TMTC2: variants seen among roughly 807,000 people sequenced by gnomAD.
TMTC2 encodes transmembrane O-mannosyltransferase targeting cadherins 2, also known as protein O-mannosyl-transferase TMTC2.
Under a neutral mutation model 82.4 loss-of-function variants are expected in TMTC2, and 43 were observed. The ratio of observed to expected loss-of-function variants is 0.52; its 90% confidence interval spans 0.41 to 0.67. The LOEUF (loss-of-function observed/expected upper bound fraction) is 0.67, where lower values mean the gene tolerates loss of function less well. Ranked by LOEUF, TMTC2 falls within the 30% of genes least tolerant of loss-of-function variation. The pLI is 0.00. For synonymous variants in TMTC2, 408 were observed against 381.9 expected, an observed-to-expected ratio of 1.07 and a Z score of -0.80; for missense variants, 919 against 1,012.4, an observed-to-expected ratio of 0.91 and a Z score of 1.25.
At chr12:82,698,059 A>G (rs930545746) in intron 1 of TMTC2, among the ~76,000 whole-genome samples, 3 of 152,200 alleles carry the variant, frequency 2.0e-5, no homozygotes, top group Admixed American at 2.0e-4. Context: ...TTCGGCCTGT[A>G]TGACTTTTTA....
chr12:82,764,543 G>A (rs1440757019), intron 1 of TMTC2, among the ~76,000 whole-genome samples: 1 of 152,068 alleles, frequency 6.6e-6, no homozygotes, highest in Non-Finnish European at 1.5e-5. Flanking sequence ...TCAATGGAGG[G>A]ATCTTTTACA....
chr12:82,765,561 C>CT (rs959136573), intron 1 of TMTC2, among the ~76,000 whole-genome samples: 1 of 152,080 alleles, frequency 6.6e-6, no homozygotes, highest in African/African-American at 2.4e-5. Flanking sequence ...GTAATCCCAG[C>CT]TACTCAGGAG....
chr12:82,943,901 A>G lies in TMTC2; in HGVS notation c.1598+13356A>G, dbSNP rs192267468. 2.0e-5 allele frequency among the ~76,000 whole-genome samples: 3 copies of G among 152,352 alleles called. No homozygotes were observed. The East Asian group carries it at 5.8e-4, about 29-fold the overall frequency. ...TGGATGTAAAAATAGAATGTTATGT[A>G]ATAAAGTGACATCTTTTCTGAGTGA... On this transcript the variant is annotated intron_variant, in intron 4 of 11. Coordinates refer to ENST00000321196, the MANE Select transcript of TMTC2 (RefSeq NM_152588.3).
chr12:82,797,482 G>T (rs183737879), intron 1 of TMTC2, among the ~76,000 whole-genome samples: 1 of 152,056 alleles, frequency 6.6e-6, no homozygotes, highest in Non-Finnish European at 1.5e-5. Context: ...CCTCTGGTAC[G>T]GTCTCCTGAT....
intron 4 of TMTC2, among the ~76,000 whole-genome samples, chr12:82,944,755 T>C (rs1358921857): frequency 6.6e-6 from 1 of 151,942 alleles, no homozygotes; most frequent in Non-Finnish European, 1.5e-5. Flanking sequence ...TGTGTCCCCA[T>C]GGGAAAAAAA....
At chr12:83,013,443 A>G (rs1011354314) in intron 8 of TMTC2, among the ~76,000 whole-genome samples, 1 of 152,156 alleles carries the variant, frequency 6.6e-6, no homozygotes, top group Non-Finnish European at 1.5e-5. Flanking sequence ...TAGGCTAGCA[A>G]TACTTAAAAC....
intron 2 of TMTC2, among the ~76,000 whole-genome samples, chr12:82,871,861 T>C (rs934796102): frequency 6.6e-6 from 1 of 152,126 alleles, no homozygotes; most frequent in African/African-American, 2.4e-5. Flanking sequence ...GTTTTCTAAG[T>C]ACTAATCTAG....
At chr12:83,029,040 T>A (rs1881302343) in intron 8 of TMTC2, among the ~76,000 whole-genome samples, 1 of 152,218 alleles carries the variant, frequency 6.6e-6, no homozygotes, top group Non-Finnish European at 1.5e-5. Flanking sequence ...TCACTAGCTA[T>A]AGGTAGTAGA....
chr12:82,871,304 T>C (rs1012879990), intron 2 of TMTC2, among the ~76,000 whole-genome samples: 2 of 152,166 alleles, frequency 1.3e-5, no homozygotes, highest in Non-Finnish European at 2.9e-5. Context: ...CCTGTTATAC[T>C]GTTTTTGTGC....
At chr12:82,761,443 C>A (rs755343988) in intron 1 of TMTC2, among the ~76,000 whole-genome samples, 7 of 152,158 alleles carry the variant, frequency 4.6e-5, no homozygotes, top group Non-Finnish European at 8.8e-5. Context: ...GAGACTCATA[C>A]AATTCACACC....
At chr12:83,114,446 G>C (rs1884693245) in intron 11 of TMTC2, among the ~76,000 whole-genome samples, 2 of 152,242 alleles carry the variant, frequency 1.3e-5, no homozygotes, top group South Asian at 2.1e-4. Flanking sequence ...AAGCCACCCA[G>C]TTTTGAATCT....
chr12:82,896,943 G>C (rs933167537), intron 3 of TMTC2, among the ~76,000 whole-genome samples: 1 of 152,152 alleles, frequency 6.6e-6, no homozygotes. Flanking sequence ...ATTTAGAAAA[G>C]AGCTTGGTTT....
intron 1 of TMTC2, among the ~76,000 whole-genome samples, chr12:82,779,847 C>G (rs943129402): frequency 1.3e-5 from 2 of 152,086 alleles, no homozygotes; most frequent in African/African-American, 4.8e-5. Context: ...TGCAGTGAGT[C>G]AAGATCATGC....
At chr12:82,897,682 C>G (rs934318164) in intron 3 of TMTC2, among the ~76,000 whole-genome samples, 2 of 152,058 alleles carry the variant, frequency 1.3e-5, no homozygotes, top group African/African-American at 4.8e-5. Flanking sequence ...CCCACCACCA[C>G]ACCTGGCTAA....
intron 8 of TMTC2, among the ~76,000 whole-genome samples, chr12:83,001,635 CAAAAA>C (rs34467744): frequency 2.1e-5 from 2 of 93,176 alleles, no homozygotes; most frequent in Non-Finnish European, 2.2e-5. Flanking sequence ...AACTCTGTCT[CAAAAA>C]AAAAAAAAAA....
intron 1 of TMTC2, among the ~76,000 whole-genome samples, chr12:82,717,273 G>A (rs546924602): frequency 8.7e-5 from 13 of 149,186 alleles, no homozygotes; most frequent in African/African-American, 3.2e-4. Flanking sequence ...CGCCCAGGCT[G>A]TAGTGCAATG....
chr12:83,005,206 T>TA (rs59772281), intron 8 of TMTC2, among the ~76,000 whole-genome samples: 4,923 of 36,198 alleles, frequency 0.14, 486 homozygotes, highest in African/African-American at 0.29. Context: ...TTTGTCTTAT[T>TA]AAAAAAAAAA....
chr12:83,101,588 A>T (rs1462185516), intron 11 of TMTC2, among the ~76,000 whole-genome samples: 1 of 152,182 alleles, frequency 6.6e-6, no homozygotes, highest in African/African-American at 2.4e-5. Context: ...GAAAACTACT[A>T]CTGTATCACC....
intron 1 of TMTC2, among the ~76,000 whole-genome samples, chr12:82,750,081 A>G (rs1006029367): frequency 6.6e-6 from 1 of 152,062 alleles, no homozygotes; most frequent in African/African-American, 2.4e-5. Context: ...ATGGAAGAGA[A>G]GGGTTCTCAC....
Sources: gnomAD v4.1 joint callset for allele counts (sites outside exome capture counted in the v4.1 genomes callset) on GRCh38, gnomAD v4.1.1 for gene constraint, MANE v1.5 for transcripts, NCBI Gene and HGNC (gene_info 2026-07-23, HGNC 2026-07-21) for gene names.